Variants in PRPF18 observed in about 807,000 individuals in gnomAD.
The protein encoded by PRPF18 is pre-mRNA processing factor 18, also known as pre-mRNA-splicing factor 18.
PRPF18 carries 38 observed loss-of-function variants against 46.5 expected under a neutral mutation model. The observed-to-expected ratio is 0.82, with a 90% CI of 0.63 to 1.07. The LOEUF (loss-of-function observed/expected upper bound fraction) is 1.07, where lower values mean the gene tolerates loss of function less well. Ranked by LOEUF, PRPF18 falls within the 50% of genes least tolerant of loss-of-function variation. The probability of loss-of-function intolerance (pLI) is 0.00; values close to 1 mark genes in which losing one functional copy is unlikely to be tolerated. For synonymous variants in PRPF18, 152 were observed against 146.7 expected (o/e 1.04, Z -0.26); for missense variants, 263 against 410.0 (o/e 0.64, Z 3.10).
downstream of PRPF18, chr10:13,631,314 T>C (rs554156323): frequency 6.6e-6 from 1 of 152,476 alleles, no homozygotes; most frequent in African/African-American, 2.4e-5. Flanking sequence ...CATGGCAGCA[T>C]GTGTGAGTGG....
At chr10:13,614,861 G>A (rs2478123) in intron 8 of PRPF18, among the ~76,000 whole-genome samples, 121,599 of 152,138 alleles carry the variant, frequency 0.8, 48,702 homozygotes, top group East Asian at 0.85. Flanking sequence ...GCCTCCCAAG[G>A]CACTAGGAGT....
chr10:13,618,118 C>T (rs1040923805), intron 9 of PRPF18, among the ~76,000 whole-genome samples: 10 of 151,918 alleles, frequency 6.6e-5, no homozygotes, highest in African/African-American at 1.5e-4. Context: ...ATGGCTATAC[C>T]GAAGGATGGG....
chr10:13,646,091 A>C, the PRPF18 span: 1 of 152,494 alleles, frequency 6.6e-6, no homozygotes, highest in Admixed American at 6.5e-5. Context: ...ATGGATGGCG[A>C]CTGTGAGTCA....
chr10:13,654,837 C>A, the PRPF18 span: 1 of 383,942 alleles, frequency 2.6e-6, no homozygotes, highest in Admixed American at 4.2e-5. Flanking sequence ...GTGACGGTTT[C>A]TACAGCAGCA....
intron 9 of PRPF18, 107 bp downstream of exon 9, chr10:13,616,660 C>A (rs1037646974): frequency 2.8e-6 from 4 of 1,406,304 alleles, no homozygotes; most frequent in African/African-American, 1.5e-5. Context: ...TAGAACATAG[C>A]GTGATAGGAT....
the PRPF18 span, among the ~76,000 whole-genome samples, chr10:13,635,977 G>A: frequency 1.3e-5 from 2 of 152,260 alleles, no homozygotes; most frequent in South Asian, 2.1e-4. Context: ...ATGAGGAGAC[G>A]TCCATAGAAG....
At chr10:13,606,660 G>A (rs1007490389) in intron 4 of PRPF18, among the ~76,000 whole-genome samples, 10 of 148,090 alleles carry the variant, frequency 6.8e-5, no homozygotes, top group African/African-American at 2.5e-4. Context: ...ACTTGAATCC[G>A]GGAGGTGGAG....
At chr10:13,589,971 G>A (rs905245382) in intron 1 of PRPF18, among the ~76,000 whole-genome samples, 1 of 152,062 alleles carries the variant, frequency 6.6e-6, no homozygotes, top group Non-Finnish European at 1.5e-5. Flanking sequence ...CATAGTGGAT[G>A]TTAGGAAGGG....
chr10:13,623,663 C>G (rs569542169), intron 9 of PRPF18, among the ~76,000 whole-genome samples: 1 of 147,672 alleles, frequency 6.8e-6, no homozygotes, highest in Admixed American at 6.9e-5. Flanking sequence ...ATTAAAGAGG[C>G]AAATCAAGGC....
chr10:13,587,569 C>A (rs565026919), intron 1 of PRPF18, among the ~76,000 whole-genome samples: 21 of 152,258 alleles, frequency 1.4e-4, no homozygotes, highest in South Asian at 6.2e-4. Flanking sequence ...GGGAAGGGAA[C>A]GTGCCCTGCA....
intron 9 of PRPF18, among the ~76,000 whole-genome samples, chr10:13,626,815 T>C (rs538879149): frequency 8.4e-4 from 127 of 151,460 alleles, no homozygotes; most frequent in African/African-American, 2.6e-3. Flanking sequence ...TTTTTTTTTT[T>C]CCCCTCAAAC....
chr10:13,654,584 G>C, the PRPF18 span: 1 of 946,328 alleles, frequency 1.1e-6, no homozygotes, highest in South Asian at 1.5e-5. Context: ...CTTGCGACTT[G>C]TTGGCTGACA....
the PRPF18 span, chr10:13,654,298 C>A: frequency 7.9e-6 from 6 of 757,794 alleles, no homozygotes; most frequent in Admixed American, 7.6e-5. Flanking sequence ...AAGGAAGACA[C>A]CTCCCAGTGA....
intron 2 of PRPF18, among the ~76,000 whole-genome samples, chr10:13,599,831 CTTCATT>C (rs1438556270): frequency 6.6e-6 from 1 of 152,192 alleles, no homozygotes; most frequent in Non-Finnish European, 1.5e-5. Context: ...ATTCTTTTAT[CTTCATT>C]TTGAAGCCGA....
At chr10:13,644,061 G>C in the PRPF18 span, 1 of 152,596 alleles carries the variant, frequency 6.6e-6, no homozygotes, top group Non-Finnish European at 1.5e-5. Flanking sequence ...CACCTGGATG[G>C]GGTTTGCTAT....
chr10:13,602,760 T>G (rs1467347618), intron 3 of PRPF18, among the ~76,000 whole-genome samples: 1 of 152,208 alleles, frequency 6.6e-6, no homozygotes, highest in Non-Finnish European at 1.5e-5. Context: ...TGAGACAAAG[T>G]CTCACTGTGT....
the PRPF18 span, among the ~76,000 whole-genome samples, chr10:13,650,387 C>G: frequency 6.6e-6 from 1 of 152,142 alleles, no homozygotes; most frequent in African/African-American, 2.4e-5. Context: ...TATGTGTGTC[C>G]CTGCATGTGC....
intron 9 of PRPF18, among the ~76,000 whole-genome samples, chr10:13,623,848 A>G (rs1229163557): frequency 2.0e-5 from 3 of 152,212 alleles, no homozygotes; most frequent in African/African-American, 7.2e-5. Context: ...TGATACACCA[A>G]ACTATATCTG....
intron 1 of PRPF18, among the ~76,000 whole-genome samples, chr10:13,593,267 C>G (rs551281644): frequency 1.3e-5 from 2 of 152,252 alleles, no homozygotes; most frequent in African/African-American, 4.8e-5. Flanking sequence ...AATAGAAAAT[C>G]TAAGCAAACC....
Sources: allele counts gnomAD v4.1 joint callset (sites outside exome capture counted in the v4.1 genomes callset), GRCh38; gene constraint gnomAD v4.1.1; transcripts MANE v1.5; gene names NCBI Gene and HGNC (gene_info 2026-07-23, HGNC 2026-07-21).